NBPF9: variants seen among roughly 807,000 people sequenced by gnomAD.
NBPF9 encodes the protein NBPF family member NBPF9.
A neutral mutation model predicts 97.8 loss-of-function variants in NBPF9; 91 were observed. The ratio of observed to expected loss-of-function variants is 0.93; its 90% CI spans 0.79 to 1.11. The LOEUF is 1.11. Ranked by LOEUF, NBPF9 falls within the 50% of genes least tolerant of loss-of-function variation. The probability of loss-of-function intolerance (pLI) is 0.00; values close to 1 mark genes in which losing one functional copy is unlikely to be tolerated. For missense variants in NBPF9, 992 were observed against 939.5 expected (o/e 1.06, Z -0.73); for synonymous variants, 334 against 359.5 (o/e 0.93, Z 0.80).
In NBPF9 at chr1:149,063,841, G is replaced by A. The variant is rs1461989650; in HGVS notation, c.1854-36C>T. On this transcript the variant is annotated intron_variant, in intron 19 of 29. Coordinates refer to ENST00000584027, the Ensembl canonical transcript of NBPF9. ...GGGAAAAAGTAAAGAATAAGCCAGG[G>A]GGAATCAGAAACCACACAGCCCCAG... 8.8e-6 allele frequency: 6 copies of A among 679,676 alleles called. No homozygotes were observed. The Admixed American group carries it at 1.3e-4, about 15-fold the overall frequency. 42.1% of individuals were successfully genotyped at this position (679,676 alleles called of 1,614,324 possible).
At chr1:149,082,335 G>A (rs782362272) in exon 6 of NBPF9, 10 of 1,542,608 alleles carry the variant, frequency 6.5e-6, no homozygotes, top group Middle Eastern at 2.3e-4. Context: ...ACAAAAACAA[G>A]GTTTGAGGTG....
chr1:149,077,399 T>C, exon 11 of NBPF9: 5 of 1,609,908 alleles, frequency 3.1e-6, no homozygotes, highest in Non-Finnish European at 3.4e-6. Flanking sequence ...GACTTTGCTC[T>C]CTTCAGCCTT....
rs587693566 is a variant in NBPF9 at position 149,055,639 on chromosome 1, G to A, written c.*17C>T. The A allele has an allele frequency of 2.7e-4, 442 of 1,611,622 alleles. 1 individual carries two copies. The African/African-American group carries it at 3.4e-3, about 12-fold the overall frequency. On this transcript the variant is annotated 3_prime_UTR_variant, in exon 30 of 30. Coordinates refer to ENST00000584027, the Ensembl canonical transcript of NBPF9. ...CCTGCCTGCAGGAATGACATCTCTC[G>A]GCTTAGTAAGGGCTGCTTATTGTGG...
At chr1:149,076,929 G>C (rs1343359028) in intron 11 of NBPF9, among the ~76,000 whole-genome samples, 1 of 151,344 alleles carries the variant, frequency 6.6e-6, no homozygotes, top group Non-Finnish European at 1.5e-5. Context: ...TGAGCAGTTG[G>C]GACTATAGGC....
intron 25 of NBPF9, chr1:149,059,315 G>A: frequency 2.1e-6 from 1 of 481,482 alleles, no homozygotes; most frequent in East Asian, 2.8e-5. Flanking sequence ...GAGACAGAGA[G>A]AAAGTGACCT....
At chr1:149,071,282 G>A in intron 15 of NBPF9, 143 bp from the exon 16 acceptor site, 2 of 1,401,722 alleles carry the variant, frequency 1.4e-6, no homozygotes, top group African/African-American at 1.4e-5. Context: ...GAGGGAACAG[G>A]TAATCCTCTT....
chr1:149,052,991 C>T (rs149619800), downstream of NBPF9, among the ~76,000 whole-genome samples: 40 of 86,698 alleles, frequency 4.6e-4, no homozygotes, highest in South Asian at 1.4e-3. Context: ...AGCCACACGA[C>T]GGCAGAGGGA....
chr1:149,090,496 A>C, intron 5 of NBPF9: 1 of 354,462 alleles, frequency 2.8e-6, no homozygotes, highest in South Asian at 3.2e-5. Context: ...CTTAAAAAGG[A>C]AACAAGGCAA....
exon 22 of NBPF9, chr1:149,062,213 G>C (rs782260495): frequency 2.9e-6 from 3 of 1,020,036 alleles, no homozygotes; most frequent in Admixed American, 1.7e-5. Context: ...CATCTACCCA[G>C]TGAGTCCTGC....
chr1:149,059,725 C>T, exon 25 of NBPF9: 2 of 571,186 alleles, frequency 3.5e-6, no homozygotes, highest in Non-Finnish European at 6.2e-6. Flanking sequence ...TTTTGATTTT[C>T]TTCCCCTTCT....
At chr1:149,067,621 C>A (rs1223388007) in intron 17 of NBPF9, among the ~76,000 whole-genome samples, 1 of 151,204 alleles carries the variant, frequency 6.6e-6, no homozygotes, top group African/African-American at 2.4e-5. Context: ...TCATCCATGT[C>A]CCTACAAAGG....
intron 20 of NBPF9, among the ~76,000 whole-genome samples, chr1:149,063,135 T>A (rs1416235368): frequency 2.8e-5 from 4 of 145,298 alleles, no homozygotes; most frequent in African/African-American, 1.1e-4. Context: ...TAGACCGTTA[T>A]CCCAATATCA....
chr1:149,062,278 G>C lies in NBPF9; in HGVS notation c.2079-13C>G, dbSNP rs2078663810. On this transcript the variant is annotated splice_polypyrimidine_tract_variant and intron_variant, in intron 21 of 29. Coordinates refer to ENST00000584027, the Ensembl canonical transcript of NBPF9. ...CTCCCTGCTGAGCCTGGAAAAGTAGGAAAAAGTAAAGAATAAGCCAGGGGG... is the reference window on the plus strand; with the variant it reads ...CTCCCTGCTGAGCCTGGAAAAGTAGCAAAAAGTAAAGAATAAGCCAGGGGG... 1 of 658,792 alleles carries C rather than the reference G, an allele frequency of 1.5e-6. No homozygotes were observed. Among genetic ancestry groups the C allele is most frequent in the Non-Finnish European group, 2.7e-6 (1 of 366,264 alleles). 40.8% of individuals were successfully genotyped at this position (658,792 alleles called of 1,614,324 possible).
intron 25 of NBPF9, 185 bp downstream of exon 25, chr1:149,059,515 G>C (rs2078464240): frequency 1.5e-5 from 6 of 406,534 alleles, no homozygotes; most frequent in South Asian, 8.4e-5. Context: ...TGGTACGTTA[G>C]GAAATGATAA....
intron 8 of NBPF9, among the ~76,000 whole-genome samples, chr1:149,079,796 G>T (rs1280487710): frequency 6.6e-6 from 1 of 152,076 alleles, no homozygotes; most frequent in Admixed American, 6.5e-5. Flanking sequence ...CACTCCTTTG[G>T]TGAATTTTGT....
At chr1:149,063,023 A>T in intron 20 of NBPF9, 110 bp from the exon 21 acceptor site, 1 of 581,232 alleles carries the variant, frequency 1.7e-6, no homozygotes, top group Non-Finnish European at 3.0e-6. Flanking sequence ...GCATGAGAAT[A>T]GGACACTGTG....
In NBPF9 at chr1:149,063,823, A is replaced by C. The variant is rs1393729604; in HGVS notation, c.1854-18T>G. On this transcript the variant is annotated intron_variant, in intron 19 of 29. Transcript: ENST00000584027. ...TGCTGAGCCTGGAAAAGTGGGAAAA[A>C]GTAAAGAATAAGCCAGGGGGAATCA... 6 of 638,488 alleles carry C rather than the reference A, an allele frequency of 9.4e-6. No homozygotes were observed. Among genetic ancestry groups the C allele is most frequent in the African/African-American group, 3.9e-5 (2 of 51,842 alleles). 39.6% of individuals were successfully genotyped at this position (638,488 alleles called of 1,614,324 possible). A position where few individuals can be genotyped will look rare whatever the true frequency, so the allele number is the denominator to read the frequency against.
chr1:149,078,569 G>T (rs1291202747), intron 9 of NBPF9, among the ~76,000 whole-genome samples: 36 of 117,820 alleles, frequency 3.1e-4, no homozygotes, highest in East Asian at 7.6e-4. Context: ...TCAGACCCTT[G>T]CAAGAGACAA....
At chr1:149,064,538 G>A (rs1266719299) in intron 18 of NBPF9, 56 bp from the exon 19 acceptor site, 2 of 1,291,854 alleles carry the variant, frequency 1.5e-6, no homozygotes, top group Non-Finnish European at 2.2e-6. Flanking sequence ...CTTGCACACA[G>A]AAACATTCCT....
Sources: allele counts gnomAD v4.1 joint callset (sites outside exome capture counted in the v4.1 genomes callset), GRCh38; gene constraint gnomAD v4.1.1; transcripts MANE v1.5; gene names NCBI Gene and HGNC (gene_info 2026-07-23, HGNC 2026-07-21).